The following MMRN2 variants were observed in gnomAD, a reference collection of about 807,000 sequenced individuals.
MMRN2 encodes multimerin 2, also known as multimerin-2.
A neutral mutation model predicts 68.8 loss-of-function variants in MMRN2; 53 were observed. The observed-to-expected ratio is 0.77, with a 90% CI of 0.62 to 0.97. The LOEUF is 0.97. Among genes scored for constraint, MMRN2 ranks in the 50% least tolerant of loss-of-function variants. The probability of loss-of-function intolerance (pLI) is 0.00; values close to 1 mark genes in which losing one functional copy is unlikely to be tolerated. For synonymous variants in MMRN2, 564 were observed against 551.6 expected, an observed-to-expected ratio of 1.02 and a Z score of -0.32; for missense variants, 1,266 against 1,259.5, an observed-to-expected ratio of 1.01 and a Z score of -0.08.
chr10:86,957,284 T>A, intron 1 of MMRN2, 94 bp downstream of exon 1: 1 of 1,326,290 alleles, frequency 7.5e-7, no homozygotes, highest in Non-Finnish European at 1.1e-6. Context: ...ATTTCACAGA[T>A]GGGACCCCAG....
At chr10:86,953,186 G>A (rs1844167691) in intron 1 of MMRN2, among the ~76,000 whole-genome samples, 1 of 152,092 alleles carries the variant, frequency 6.6e-6, no homozygotes, top group African/African-American at 2.4e-5. Flanking sequence ...CAATCAATTT[G>A]TACAGTTAAC....
chr10:86,946,050 T>C (rs1028712272), intron 1 of MMRN2, among the ~76,000 whole-genome samples: 3 of 152,206 alleles, frequency 2.0e-5, no homozygotes, highest in African/African-American at 7.2e-5. Flanking sequence ...ACTGCAGCTG[T>C]CTGCATGGAT....
rs991795199 is a variant in MMRN2 at position 86,943,824 on chromosome 10, A to G, written c.960T>C (p.Phe320=). 1 of 1,612,044 alleles carries G rather than the reference A, an allele frequency of 6.2e-7. No homozygotes were observed. Among genetic ancestry groups the G allele is most frequent in the African/African-American group, 1.3e-5 (1 of 75,050 alleles). The change falls in exon 6 of 7, where the codon TTT becomes TTC. Residue 320 remains phenylalanine (F), a synonymous_variant. Coordinates refer to ENST00000372027, the MANE Select transcript of MMRN2 (RefSeq NM_024756.3). The surrounding 1 kb of genome is among the most constrained non-coding windows in gnomAD (Gnocchi z 4.2). The part of the protein sequence containing the change: ...DVEDRLHAQH[F]TLHRSISELQ... ...GCTCTGAGATCGAGCGGTGCAGGGT[A>G]AAGTGCTGGGCGTGCAGGCGGTCCT... is the stretch of plus-strand genomic sequence containing the variant.
chr10:86,937,230 G>T (rs929382077), intron 6 of MMRN2, 105 bp from the exon 7 acceptor site: 3 of 1,230,328 alleles, frequency 2.4e-6, no homozygotes, highest in African/African-American at 3.0e-5. Flanking sequence ...ATGGAAATAG[G>T]TCACTATTTC....
chr10:86,945,779 C>G, intron 1 of MMRN2, 90 bp from the exon 2 acceptor site: 1 of 1,592,628 alleles, frequency 6.3e-7, no homozygotes. Flanking sequence ...CGCCTCCTGC[C>G]GGAGCAGTGC....
chr10:86,950,814 T>C (rs1341112409), intron 1 of MMRN2, among the ~76,000 whole-genome samples: 1 of 152,200 alleles, frequency 6.6e-6, no homozygotes, highest in African/African-American at 2.4e-5. Context: ...AAATTTTTAC[T>C]ACAGGGAAAA....
intron 6 of MMRN2, among the ~76,000 whole-genome samples, chr10:86,939,357 G>T (rs904005779): frequency 6.7e-6 from 1 of 149,416 alleles, no homozygotes; most frequent in Non-Finnish European, 1.5e-5. Context: ...AGCTACTCGG[G>T]AGGCTGAGGC....
At chr10:86,945,300 G>T (rs754769546) in intron 3 of MMRN2, 32 bp from the exon 4 acceptor site, 1 of 1,612,368 alleles carries the variant, frequency 6.2e-7, no homozygotes, top group Non-Finnish European at 8.5e-7. Context: ...ATTGACCCCA[G>T]TGGTCAGAGG....
In MMRN2 at chr10:86,957,362, G is replaced by C; in HGVS notation, c.164+16C>G. The stretch of plus-strand genomic sequence containing the variant: ...ATCCTACTCCATGACCTCTGCCAAG[G>C]TCCAGGCCCTCTTACCGTCCTACGG... On this transcript the variant is annotated intron_variant, in intron 1 of 6. Transcript: ENST00000372027. The C allele has an allele frequency of 6.2e-7, 1 of 1,612,256 alleles. No homozygotes were observed. Among genetic ancestry groups the C allele is most frequent in the Non-Finnish European group, 8.5e-7 (1 of 1,179,616 alleles).
chr10:86,944,465 G>C (rs1017705703), intron 4 of MMRN2, 30 bp from the exon 5 acceptor site: 6 of 1,610,826 alleles, frequency 3.7e-6, no homozygotes, highest in Non-Finnish European at 5.1e-6. Context: ...AAATGTCAAG[G>C]GCTAACTCAC....
Position 86,943,686 on chromosome 10 carries a change from C to G in MMRN2, c.1098G>C (p.Pro366=), listed in dbSNP as rs758019540. Residue 366 remains proline, a synonymous_variant, in exon 6 of 7, where the codon CCG becomes CCC. Transcript: ENST00000372027. The surrounding 1 kb of genome is among the most constrained non-coding windows in gnomAD (Gnocchi z 4.2). The stretch of plus-strand genomic sequence containing the variant: ...GGCCCAGCCTGGCCTGCAGGCTGTC[C>G]GGCTCAGGCCTTGCCCCAGCCCCAG... The part of the protein sequence containing the change: ...ATPGAGARPE[P]DSLQARLGQL... 6.2e-7 allele frequency: 1 copy of G among 1,610,764 alleles called. No individual in the cohort carries two copies. The highest frequency in any genetic ancestry group is 1.7e-5 in the Admixed American group (1 of 60,018).
rs1000626752 is a variant in MMRN2 at position 86,935,708 on chromosome 10, T to A, written c.*1035A>T. 6.6e-6 allele frequency: 1 copy of A among 152,210 alleles called. No homozygotes were observed. Among genetic ancestry groups the A allele is most frequent in the African/African-American group, 2.4e-5 (1 of 41,438 alleles). The allele number at this position is 152,210 out of a possible 1,614,324, so 9.4% of individuals were successfully genotyped here. ...AGTTGAAGGCCCTACATATTTTAGT[T>A]CACGTTTGGCATTTCTTGGTCTTTA... On this transcript the variant is annotated 3_prime_UTR_variant, in exon 7 of 7. Coordinates refer to ENST00000372027, the MANE Select transcript of MMRN2 (RefSeq NM_024756.3).
intron 1 of MMRN2, among the ~76,000 whole-genome samples, chr10:86,950,584 T>C (rs915582234): frequency 1.1e-4 from 16 of 152,116 alleles, no homozygotes; most frequent in Admixed American, 8.5e-4. Flanking sequence ...AGAATGACAA[T>C]GGGCTGTGGT....
At chr10:86,950,092 A>G (rs1304036250) in intron 1 of MMRN2, among the ~76,000 whole-genome samples, 1 of 151,994 alleles carries the variant, frequency 6.6e-6, no homozygotes, top group African/African-American at 2.4e-5. Flanking sequence ...CATGCCTGTA[A>G]TCCCAGCACT....
At chr10:86,952,642 G>A (rs1418509568) in intron 1 of MMRN2, among the ~76,000 whole-genome samples, 1 of 152,102 alleles carries the variant, frequency 6.6e-6, no homozygotes, top group African/African-American at 2.4e-5. Flanking sequence ...TGCTTTAAGG[G>A]GCAAAAAGCA....
At chr10:86,954,597 G>A (rs990096212) in intron 1 of MMRN2, among the ~76,000 whole-genome samples, 1 of 152,218 alleles carries the variant, frequency 6.6e-6, no homozygotes, top group Non-Finnish European at 1.5e-5. Context: ...AGGAAGGCGT[G>A]TTCTCAGCAG....
intron 6 of MMRN2, among the ~76,000 whole-genome samples, chr10:86,940,633 G>A (rs1249561092): frequency 2.0e-5 from 3 of 152,262 alleles, no homozygotes; most frequent in African/African-American, 7.2e-5. Context: ...GACAAGTGAT[G>A]CCAGAGCCTG....
intron 1 of MMRN2, among the ~76,000 whole-genome samples, chr10:86,946,432 G>A (rs1430873590): frequency 1.3e-5 from 2 of 152,226 alleles, no homozygotes; most frequent in East Asian, 3.8e-4. Flanking sequence ...CTAAGGAAAG[G>A]TAAGCAGCTG....
intron 4 of MMRN2, among the ~76,000 whole-genome samples, chr10:86,944,849 C>T (rs117599033): frequency 0.031 from 4,699 of 152,334 alleles, 101 homozygotes; most frequent in Non-Finnish European, 0.048. Context: ...GACAGCATGA[C>T]TTCCTGGCTC....
Sources: allele counts gnomAD v4.1 joint callset (sites outside exome capture counted in the v4.1 genomes callset), GRCh38; gene constraint gnomAD v4.1.1; non-coding constraint Gnocchi (gnomAD v3.1); transcripts MANE v1.5; gene names NCBI Gene and HGNC (gene_info 2026-07-23, HGNC 2026-07-21).